IFI16: variants seen among roughly 807,000 people sequenced by gnomAD.
IFI16 encodes the protein interferon gamma inducible protein 16.
Under a neutral mutation model 68.4 loss-of-function variants are expected in IFI16, and 49 were observed. That is an observed-to-expected ratio of 0.72 (90% CI 0.57 to 0.91). The LOEUF is 0.91. Among genes scored for constraint, IFI16 ranks in the 40% least tolerant of loss-of-function variants. IFI16 has a pLI of 0.00. For synonymous variants in IFI16, 307 were observed against 315.0 expected, an observed-to-expected ratio of 0.97 and a Z score of 0.27; for missense variants, 878 against 942.9, an observed-to-expected ratio of 0.93 and a Z score of 0.90.
At chr1:159,005,126 C>T (rs989086172), upstream of IFI16, among the ~76,000 whole-genome samples, 2 of 152,300 alleles carry the variant, frequency 1.3e-5, no homozygotes, top group East Asian at 3.9e-4. Flanking sequence ...CCCCGTTTGT[C>T]ATGTGAGGAC....
intron 7 of IFI16, among the ~76,000 whole-genome samples, chr1:159,038,587 G>C (rs1654452475): frequency 6.6e-6 from 1 of 152,040 alleles, no homozygotes; most frequent in African/African-American, 2.4e-5. Flanking sequence ...GGCTGATCTT[G>C]AACTCTTGGC....
intron 7 of IFI16, among the ~76,000 whole-genome samples, chr1:159,040,740 G>C (rs1445085045): frequency 1.3e-5 from 2 of 152,150 alleles, no homozygotes; most frequent in Non-Finnish European, 1.5e-5. Context: ...ATTTTTGCTT[G>C]TTGGGCATTT....
At chr1:159,022,355 T>A (rs1653389780) in intron 6 of IFI16, among the ~76,000 whole-genome samples, 1 of 152,236 alleles carries the variant, frequency 6.6e-6, no homozygotes, top group Non-Finnish European at 1.5e-5. Flanking sequence ...ATTTAATTTT[T>A]TCAGCAAGGC....
intron 7 of IFI16, among the ~76,000 whole-genome samples, chr1:159,040,539 T>C (rs1350363173): frequency 1.3e-5 from 2 of 152,228 alleles, no homozygotes; most frequent in Non-Finnish European, 2.9e-5. Context: ...TTTAGAAATA[T>C]ACTCCTTTCA....
chr1:159,021,760 GTC>G (rs1653331229), intron 6 of IFI16, among the ~76,000 whole-genome samples: 1 of 151,990 alleles, frequency 6.6e-6, no homozygotes, highest in African/African-American at 2.4e-5. Context: ...CGATGCCAGC[GTC>G]TGTTTTTTAA....
upstream of IFI16, among the ~76,000 whole-genome samples, chr1:159,004,403 G>A (rs1263339583): frequency 6.6e-6 from 1 of 151,826 alleles, no homozygotes; most frequent in Non-Finnish European, 1.5e-5. Context: ...TAGTAATTTG[G>A]GGTAAGAATT....
chr1:159,036,270 GACA>G (rs1240637535), intron 7 of IFI16, among the ~76,000 whole-genome samples: 1 of 152,156 alleles, frequency 6.6e-6, no homozygotes, highest in African/African-American at 2.4e-5. Flanking sequence ...TTACATAAGA[GACA>G]ACCAAGATAA....
At position 159,023,711 on chromosome 1, in the gene IFI16, A is replaced by T. The variant is rs578020514; in HGVS notation, c.1161+3182A>T. 3.3e-5 allele frequency among the ~76,000 whole-genome samples: 5 copies of T among 150,906 alleles called. No homozygotes were observed. In the East Asian group the frequency reaches 9.7e-4, roughly 29 times the overall value. On this transcript the variant is annotated intron_variant, in intron 6 of 11. Transcript: ENST00000295809. Reference sequence around the variant, plus strand: ...ATAAGTACTGCTCCAATTATTTGGCAGAGTGTCTAGTAAAAGTCCTCTACA... The same window carrying T: ...ATAAGTACTGCTCCAATTATTTGGCTGAGTGTCTAGTAAAAGTCCTCTACA...
chr1:159,015,654 G>A (rs1652871689), intron 2 of IFI16: 1 of 509,318 alleles, frequency 2.0e-6, no homozygotes, highest in African/African-American at 1.9e-5. Context: ...AGTGAGGAAA[G>A]TGCTGAGGAG....
upstream of IFI16, chr1:159,009,035 C>G (rs1041350799): frequency 6.6e-6 from 1 of 152,090 alleles, no homozygotes; most frequent in African/African-American, 2.4e-5. Flanking sequence ...TAAAGGGCAC[C>G]CACTGTCCTT....
At chr1:159,038,017 CAT>C (rs770912962) in intron 7 of IFI16, among the ~76,000 whole-genome samples, 1 of 152,154 alleles carries the variant, frequency 6.6e-6, no homozygotes, top group Non-Finnish European at 1.5e-5. Flanking sequence ...TCTCATTTCA[CAT>C]ATGAGATTCA....
Position 159,052,059 on chromosome 1 carries a change from T to G in IFI16, c.2046T>G (p.Thr682=). The G allele has an allele frequency of 6.2e-7, 1 of 1,613,450 alleles. No homozygotes were observed. Among genetic ancestry groups the G allele is most frequent in the African/African-American group, 1.3e-5 (1 of 75,008 alleles). Residue 682 remains threonine (T), a synonymous_variant, in exon 10 of 12, where the codon ACT becomes ACG. Coordinates refer to ENST00000295809, the MANE Select transcript of IFI16 (RefSeq NM_001376587.1). ...AAATCAATCAGCTTTGCTCACAAAC[T>G]AAAGGAAGTTTTGTGAATGGGGTGT... ...TPKINQLCSQ[T]KGSFVNGVFE...
At chr1:159,007,222 T>C (rs1451198833), upstream of IFI16, among the ~76,000 whole-genome samples, 1 of 152,090 alleles carries the variant, frequency 6.6e-6, no homozygotes, top group Non-Finnish European at 1.5e-5. Context: ...AAGAAAATAA[T>C]TCGGTTTAGG....
In IFI16 at chr1:159,018,414, A is replaced by G. The variant is rs762914967; in HGVS notation, c.735A>G (p.Leu245=). 3.7e-6 allele frequency: 6 copies of G among 1,614,080 alleles called. No individual in the cohort carries two copies. Among genetic ancestry groups the G allele is most frequent in the Non-Finnish European group, 5.1e-6 (6 of 1,179,916 alleles). The change falls in exon 5 of 12, where the codon TTA becomes TTG. Residue 245 remains leucine, a synonymous_variant. Transcript: ENST00000295809. ...TQTQFFHVKV[L]NTSLKEKFNG... is the part of the protein sequence containing the mutation. ...CACAGTTCTTCCATGTGAAGGTTTT[A>G]AACACCAGCTTGAAGGAGAAATTCA...
At chr1:159,027,481 G>GT (rs1199299095) in intron 6 of IFI16, among the ~76,000 whole-genome samples, 2 of 152,024 alleles carry the variant, frequency 1.3e-5, no homozygotes, top group South Asian at 2.1e-4. Flanking sequence ...TTGGTCTGTA[G>GT]TTTTTTTGTT....
chr1:159,035,237 C>T (rs866334750), intron 7 of IFI16, among the ~76,000 whole-genome samples: 1 of 152,070 alleles, frequency 6.6e-6, no homozygotes, highest in Non-Finnish European at 1.5e-5. Context: ...ATAGTTTATG[C>T]AGGTGTTATT....
chr1:159,045,485 A>G lies in IFI16; in HGVS notation c.1497+21A>G, dbSNP rs564633399. The G allele has an allele frequency of 3.1e-6, 5 of 1,606,602 alleles. 1 individual carries two copies. Among genetic ancestry groups the G allele is most frequent in the Admixed American group, 1.7e-5 (1 of 59,410 alleles). On this transcript the variant is annotated intron_variant, in intron 8 of 11. Transcript: ENST00000295809. ...CCACGGTACAAGTTCCCTCTTCCCA[A>G]TACATTCCCCTCACTACAATGTAAT...
intron 7 of IFI16, among the ~76,000 whole-genome samples, chr1:159,037,445 G>A (rs72709525): frequency 0.037 from 5,600 of 152,160 alleles, 117 homozygotes; most frequent in Non-Finnish European, 0.046. Context: ...TATGATATGC[G>A]TTCATTGTGC....
chr1:159,008,062 C>T (rs1652324820), upstream of IFI16, among the ~76,000 whole-genome samples: 1 of 152,078 alleles, frequency 6.6e-6, no homozygotes, highest in African/African-American at 2.4e-5. Context: ...TGTTTCTGCA[C>T]AGCTAAAACT....
Sources: gnomAD v4.1 joint callset for allele counts (sites outside exome capture counted in the v4.1 genomes callset) on GRCh38, gnomAD v4.1.1 for gene constraint, MANE v1.5 for transcripts, NCBI Gene and HGNC (gene_info 2026-07-23, HGNC 2026-07-21) for gene names.